OXCT1: variants seen among roughly 807,000 people sequenced by gnomAD.
OXCT1 encodes 3-oxoacid CoA-transferase 1, also known as succinyl-CoA:3-ketoacid coenzyme A transferase 1, mitochondrial.
In OXCT1, 27 loss-of-function variants were observed where a neutral mutation model predicts 69.6. The observed-to-expected ratio is 0.39, with a 90% CI of 0.29 to 0.54. The LOEUF is 0.54. Among genes scored for constraint, OXCT1 ranks in the 20% least tolerant of loss-of-function variants. The pLI is 0.72. For synonymous variants in OXCT1, 202 were observed against 217.8 expected (o/e 0.93, Z 0.64); for missense variants, 437 against 650.2 (o/e 0.67, Z 3.57).
chr5:41,805,452 C>A, intron 9 of OXCT1, 115 bp downstream of exon 9: 1 of 725,436 alleles, frequency 1.4e-6, no homozygotes, highest in Non-Finnish European at 2.4e-6. Flanking sequence ...GATTAATTAC[C>A]TTAAAAGTTA....
chr5:41,738,383 G>A (rs1303871098), intron 16 of OXCT1, among the ~76,000 whole-genome samples: 1 of 152,106 alleles, frequency 6.6e-6, no homozygotes, highest in South Asian at 2.1e-4. Context: ...CATGGGGGTG[G>A]GTTTTTCACA....
intron 11 of OXCT1, among the ~76,000 whole-genome samples, chr5:41,799,081 C>A (rs1418201812): frequency 6.6e-6 from 1 of 152,114 alleles, no homozygotes; most frequent in African/African-American, 2.4e-5. Flanking sequence ...TTTACATAAC[C>A]TTATGAGACT....
intron 14 of OXCT1, among the ~76,000 whole-genome samples, chr5:41,758,508 G>T (rs562445832): frequency 4.0e-5 from 6 of 151,870 alleles, no homozygotes; most frequent in African/African-American, 1.2e-4. Flanking sequence ...ACCCATAAAG[G>T]AAGGAATGGG....
In OXCT1 at chr5:41,833,606, T is replaced by C. The variant is rs371167551; in HGVS notation, c.732+6845A>G. ...ACTCACTGGTAATAATAAGCACACATAGAAACACAGGATATTATTAACATT... is the reference window on the plus strand; with the variant it reads ...ACTCACTGGTAATAATAAGCACACACAGAAACACAGGATATTATTAACATT... On this transcript the variant is annotated intron_variant, in intron 7 of 16. Transcript: ENST00000196371. Among the ~76,000 whole-genome samples, 5 of 150,428 alleles carry C rather than the reference T, an allele frequency of 3.3e-5. No homozygotes were observed. The East Asian group carries it at 5.9e-4, about 18-fold the overall frequency.
In OXCT1 at chr5:41,870,397, C is replaced by A. The variant is rs759807990; in HGVS notation, c.-39G>T. Reference sequence around the variant, plus strand: ...GGCAGGAGGAGGCTGCGGGTTGGAGCGCGCGTTTGAGCGTCGGTGCGCGAC... The same window carrying A: ...GGCAGGAGGAGGCTGCGGGTTGGAGAGCGCGTTTGAGCGTCGGTGCGCGAC... On this transcript the variant is annotated 5_prime_UTR_variant, in exon 1 of 17. Transcript: ENST00000196371. The surrounding 1 kb of genome is among the most constrained non-coding windows in gnomAD (Gnocchi z 4.2). 4.5e-6 allele frequency: 7 copies of A among 1,544,370 alleles called. No individual in the cohort carries two copies. In the East Asian group the frequency reaches 1.1e-4, roughly 25 times the overall value.
chr5:41,861,515 T>A (rs1749739758), intron 2 of OXCT1, 111 bp from the exon 3 acceptor site: 1 of 766,660 alleles, frequency 1.3e-6, no homozygotes, highest in Non-Finnish European at 2.4e-6. Context: ...CATTATTAGA[T>A]CTACTAAGCA....
chr5:41,743,618 A>T (rs926235988), intron 15 of OXCT1, among the ~76,000 whole-genome samples: 7 of 152,192 alleles, frequency 4.6e-5, no homozygotes, highest in African/African-American at 1.7e-4. Context: ...TTTAGGTCTA[A>T]CATTTAACTC....
At chr5:41,810,724 T>C (rs1229290840) in intron 7 of OXCT1, among the ~76,000 whole-genome samples, 1 of 152,098 alleles carries the variant, frequency 6.6e-6, no homozygotes, top group Non-Finnish European at 1.5e-5. Context: ...TGTTTGTGAT[T>C]GCTTGGCAAA....
intron 1 of OXCT1, among the ~76,000 whole-genome samples, chr5:41,869,274 T>C (rs1750159416): frequency 6.6e-6 from 1 of 152,200 alleles, no homozygotes; most frequent in Admixed American, 6.5e-5. Flanking sequence ...GCAGGCACGC[T>C]TCAGGAGTAA....
chr5:41,846,400 C>T (rs1422924657), intron 5 of OXCT1, among the ~76,000 whole-genome samples: 4 of 146,900 alleles, frequency 2.7e-5, no homozygotes, highest in African/African-American at 1.0e-4. Context: ...TTTGTTCTTG[C>T]GATAGTTTAC....
intron 7 of OXCT1, among the ~76,000 whole-genome samples, chr5:41,827,995 A>G (rs1009495805): frequency 2.0e-4 from 30 of 152,210 alleles, no homozygotes; most frequent in African/African-American, 7.2e-4. Context: ...TAGCTCTTGG[A>G]AACTCTGCCA....
intron 3 of OXCT1, 61 bp from the exon 4 acceptor site, chr5:41,853,615 T>C: frequency 6.5e-7 from 1 of 1,529,452 alleles, no homozygotes; most frequent in Non-Finnish European, 9.0e-7. Context: ...TTACATCTTT[T>C]TAAAGAGATA....
intron 6 of OXCT1, 67 bp downstream of exon 6, chr5:41,842,608 A>T: frequency 8.9e-7 from 1 of 1,118,122 alleles, no homozygotes; most frequent in Non-Finnish European, 1.4e-6. Context: ...TTAAATTCCA[A>T]ATTCACTCTG....
At chr5:41,732,655 A>G (rs896678183) in intron 16 of OXCT1, among the ~76,000 whole-genome samples, 1 of 152,230 alleles carries the variant, frequency 6.6e-6, no homozygotes, top group African/African-American at 2.4e-5. Flanking sequence ...GGCAATCAAA[A>G]TGAGCCCAAT....
At chr5:41,732,434 C>T (rs1742680206) in intron 16 of OXCT1, among the ~76,000 whole-genome samples, 1 of 152,108 alleles carries the variant, frequency 6.6e-6, no homozygotes. Context: ...AGAAAAGTGA[C>T]AATGAATGTA....
intron 16 of OXCT1, 48 bp downstream of exon 16, chr5:41,739,341 AG>A (rs777491687): frequency 8.4e-7 from 1 of 1,197,328 alleles, no homozygotes; most frequent in Non-Finnish European, 1.2e-6. Context: ...CCATTAATCA[AG>A]CCTATAATAT....
At chr5:41,858,616 T>C (rs1235322299) in intron 3 of OXCT1, among the ~76,000 whole-genome samples, 1 of 152,186 alleles carries the variant, frequency 6.6e-6, no homozygotes, top group Non-Finnish European at 1.5e-5. Flanking sequence ...CACATTATTA[T>C]AAAGCAAAAA....
intron 14 of OXCT1, among the ~76,000 whole-genome samples, chr5:41,749,839 GA>G (rs1400085703): frequency 2.6e-5 from 4 of 152,024 alleles, no homozygotes; most frequent in Admixed American, 1.3e-4. Context: ...ATTTAATTGG[GA>G]AACATCCTGC....
intron 15 of OXCT1, among the ~76,000 whole-genome samples, chr5:41,746,329 A>T (rs1743488325): frequency 6.6e-6 from 1 of 152,012 alleles, no homozygotes; most frequent in South Asian, 2.1e-4. Flanking sequence ...GCAGGTCAAA[A>T]CTAGGAAATC....
Sources: allele counts gnomAD v4.1 joint callset (sites outside exome capture counted in the v4.1 genomes callset), GRCh38; gene constraint gnomAD v4.1.1; non-coding constraint Gnocchi (gnomAD v3.1); transcripts MANE v1.5; gene names NCBI Gene and HGNC (gene_info 2026-07-23, HGNC 2026-07-21).